CALN1: variants seen among roughly 807,000 people sequenced by gnomAD.
CALN1 encodes calcium-binding protein 8.
A neutral mutation model predicts 30.6 loss-of-function variants in CALN1; 17 were observed. That is an observed-to-expected ratio of 0.56 (90% CI 0.38 to 0.83). CALN1 has a LOEUF of 0.83. CALN1 is among the 40% of genes least tolerant of loss of function. The pLI, the probability that CALN1 is intolerant of heterozygous loss-of-function variation, is 0.00. For synonymous variants in CALN1, 156 were observed against 131.4 expected (o/e 1.19, Z -1.28); for missense variants, 291 against 354.9 (o/e 0.82, Z 1.45).
intron 3 of CALN1, among the ~76,000 whole-genome samples, chr7:72,236,145 T>A (rs568108534): frequency 6.6e-6 from 1 of 152,030 alleles, no homozygotes; most frequent in South Asian, 2.1e-4. Context: ...CAGTCCAATT[T>A]CTTACAAGCT....
At chr7:72,490,149 A>G in the CALN1 span, among the ~76,000 whole-genome samples, 1 of 152,334 alleles carries the variant, frequency 6.6e-6, no homozygotes, top group South Asian at 2.1e-4. Flanking sequence ...ACATTAGTAG[A>G]GTTCAAAAGA....
Position 72,350,278 on chromosome 7 carries a change from G to C in CALN1, c.119+52973C>G, listed in dbSNP as rs1350115989. On this transcript the variant is annotated intron_variant, in intron 2 of 6. Coordinates refer to ENST00000395275, the MANE Select transcript of CALN1 (RefSeq NM_031468.4). ...CAAGCACTTCACCCAGCAATCCACT[G>C]GGTATATACCCAAAGGAATATGAAT... 2.0e-5 allele frequency among the ~76,000 whole-genome samples: 3 copies of C among 152,118 alleles called. No individual in the cohort carries two copies. The East Asian group carries it at 5.8e-4, about 29-fold the overall frequency.
At position 72,048,028 on chromosome 7, in the gene CALN1, T is replaced by G. The variant is rs576238322; in HGVS notation, c.389-24259A>C. Among the ~76,000 whole-genome samples, 365 of 143,098 alleles carry G rather than the reference T, an allele frequency of 2.6e-3. 2 individuals carry two copies. The highest frequency in any genetic ancestry group is 7.8e-3 in the African/African-American group (295 of 38,006). 93.9% of individuals were successfully genotyped at this position (143,098 alleles called of 152,430 possible). On this transcript the variant is annotated intron_variant, in intron 4 of 6. Transcript: ENST00000395275. ...AGAGGCTTCATTCATTCATATTGCT[T>G]CTTCTTCTTCTTCTTTTTTTTTTTT... is the stretch of plus-strand genomic sequence containing the variant.
chr7:72,223,778 G>C (rs968055908), intron 3 of CALN1, among the ~76,000 whole-genome samples: 1 of 152,194 alleles, frequency 6.6e-6, no homozygotes, highest in Non-Finnish European at 1.5e-5. Context: ...ATTGGGTAAA[G>C]AAAATGTGGT....
chr7:72,360,468 CAT>C lies in CALN1; in HGVS notation c.119+42781_119+42782del, dbSNP rs369010836. Reference sequence around the variant, plus strand: ...TCAGAGAAAGATTGAAGACATCACACATGTTTATAGATGCATACAAAAAAATG... The same window carrying C: ...TCAGAGAAAGATTGAAGACATCACACGTTTATAGATGCATACAAAAAAATG... On this transcript the variant is annotated intron_variant, in intron 2 of 6. Transcript: ENST00000395275. Among the ~76,000 whole-genome samples, 601 of 151,742 alleles carry C rather than the reference CAT, an allele frequency of 4.0e-3. 3 individuals carry two copies. The highest frequency in any genetic ancestry group is 0.024 in the Middle Eastern group (7 of 294).
intron 5 of CALN1, among the ~76,000 whole-genome samples, chr7:71,903,021 T>G (rs1439172559): frequency 6.6e-6 from 1 of 151,796 alleles, no homozygotes; most frequent in Non-Finnish European, 1.5e-5. Flanking sequence ...ACTTAAAAAT[T>G]TTTTAAGTAA....
At chr7:72,008,791 G>A (rs1402408969) in intron 5 of CALN1, among the ~76,000 whole-genome samples, 1 of 151,790 alleles carries the variant, frequency 6.6e-6, no homozygotes, top group Non-Finnish European at 1.5e-5. Context: ...ATGTAGCTGG[G>A]ATTACAGGTG....
rs373203556 is a variant in CALN1, at chr7:72,226,649, AG to A, written c.244+52036del. On this transcript the variant is annotated intron_variant, in intron 3 of 6. Coordinates refer to ENST00000395275, the MANE Select transcript of CALN1 (RefSeq NM_031468.4). ...TTCCTACACTGTAGAGATAAGAAAG[AG>A]GGCTGACATTATCCTAGGCAAACTG... Among the ~76,000 whole-genome samples the A allele has an allele frequency of 2.4e-3, 369 of 152,342 alleles. 3 individuals carry two copies. Among genetic ancestry groups the A allele is most frequent in the Middle Eastern group, 0.017 (5 of 294 alleles).
intron 4 of CALN1, among the ~76,000 whole-genome samples, chr7:72,077,377 G>A (rs1007463390): frequency 3.3e-5 from 5 of 152,122 alleles, no homozygotes; most frequent in South Asian, 2.1e-4. Flanking sequence ...GGGTTCAAGC[G>A]ATTCTCCTGC....
chr7:72,500,860 AT>A, the CALN1 span, among the ~76,000 whole-genome samples: 1 of 152,020 alleles, frequency 6.6e-6, no homozygotes, highest in Non-Finnish European at 1.5e-5. Context: ...TCTTAAATTG[AT>A]TTTTTGCAAA....
intron 2 of CALN1, among the ~76,000 whole-genome samples, chr7:72,283,432 G>A (rs76415606): frequency 0.024 from 3,603 of 152,160 alleles, 73 homozygotes; most frequent in South Asian, 0.1. Flanking sequence ...CTACTCCGGA[G>A]GCTGAAGTGA....
the CALN1 span, among the ~76,000 whole-genome samples, chr7:72,486,924 A>G: frequency 2.2e-3 from 328 of 152,306 alleles, 1 homozygote; most frequent in Non-Finnish European, 3.7e-3. Flanking sequence ...CTGGGGCAAC[A>G]TTTATTTTGC....
chr7:72,339,457 G>C (rs765571999), intron 2 of CALN1, among the ~76,000 whole-genome samples: 3 of 152,096 alleles, frequency 2.0e-5, no homozygotes, highest in African/African-American at 7.2e-5. Context: ...GAAAAATCCT[G>C]AGTTCCTTCA....
At chr7:72,298,026 A>C (rs1278782968) in intron 2 of CALN1, among the ~76,000 whole-genome samples, 1 of 152,148 alleles carries the variant, frequency 6.6e-6, no homozygotes, top group Non-Finnish European at 1.5e-5. Context: ...TATTTTTTTT[A>C]GCTACAAAAT....
rs555244425 is a variant in CALN1, at chr7:72,349,352, GAATA to G, written c.119+53895_119+53898del. ...GAAGGTTAAACAGAAAAAAGTATTT[GAATA>G]AATAGTGGCTAATATTTCCCAATTT... On this transcript the variant is annotated intron_variant, in intron 2 of 6. Transcript: ENST00000395275. Among the ~76,000 whole-genome samples, 1,150 of 150,956 alleles carry G rather than the reference GAATA, an allele frequency of 7.6e-3. 16 individuals are homozygous for G. The highest frequency in any genetic ancestry group is 0.027 in the African/African-American group (1,096 of 41,014).
chr7:71,865,826 AG>A, intron 5 of CALN1, among the ~76,000 whole-genome samples: 1 of 148,850 alleles, frequency 6.7e-6, no homozygotes, highest in South Asian at 2.1e-4. Context: ...GTCAATAAAG[AG>A]TTTAAAGTTA....
intron 1 of CALN1, among the ~76,000 whole-genome samples, chr7:72,427,589 C>T (rs996228118): frequency 6.6e-6 from 1 of 152,116 alleles, no homozygotes; most frequent in Non-Finnish European, 1.5e-5. Context: ...TACAGTGGCA[C>T]AAACATCACT....
intron 4 of CALN1, among the ~76,000 whole-genome samples, chr7:72,052,880 A>T (rs1445874872): frequency 2.0e-5 from 3 of 150,546 alleles, no homozygotes; most frequent in Non-Finnish European, 3.0e-5. Context: ...CTGTAATGCC[A>T]GCACTTTGGG....
chr7:72,289,992 C>T (rs947036391), intron 2 of CALN1, among the ~76,000 whole-genome samples: 8 of 141,820 alleles, frequency 5.6e-5, no homozygotes, highest in African/African-American at 1.8e-4. Flanking sequence ...GTTGGAGAAT[C>T]GCTTAAGCCC....
Sources: gnomAD v4.1 joint callset for allele counts (sites outside exome capture counted in the v4.1 genomes callset) on GRCh38, gnomAD v4.1.1 for gene constraint, MANE v1.5 for transcripts, NCBI Gene and HGNC (gene_info 2026-07-23, HGNC 2026-07-21) for gene names.